Variants in EPHB1 observed in about 807,000 individuals in gnomAD.
EPHB1 encodes the protein EPH receptor B1.
Under a neutral mutation model 94.4 loss-of-function variants are expected in EPHB1, and 30 were observed. That is an observed-to-expected ratio of 0.32 (90% CI 0.24 to 0.43). The LOEUF is 0.43. EPHB1 is among the 20% of genes least tolerant of loss of function. The pLI is 1.00. For synonymous variants in EPHB1, 522 were observed against 489.1 expected (o/e 1.07, Z -0.89); for missense variants, 1,055 against 1,308.3 (o/e 0.81, Z 2.99).
At chr3:135,008,107 A>C (rs1028715613) in intron 3 of EPHB1, among the ~76,000 whole-genome samples, 5 of 152,202 alleles carry the variant, frequency 3.3e-5, no homozygotes, top group Admixed American at 2.0e-4. Flanking sequence ...CTAACTACCA[A>C]GGAAGAACTA....
chr3:134,889,397 A>G (rs548915923), intron 1 of EPHB1, among the ~76,000 whole-genome samples: 1 of 152,216 alleles, frequency 6.6e-6, no homozygotes, highest in Non-Finnish European at 1.5e-5. Context: ...CCAGCCCCCA[A>G]GTCCTGCCAC....
At chr3:134,988,820 C>T (rs1422772461) in intron 3 of EPHB1, among the ~76,000 whole-genome samples, 1 of 152,150 alleles carries the variant, frequency 6.6e-6, no homozygotes, top group Admixed American at 6.5e-5. Context: ...GTTTTTGAGT[C>T]ACTGCTGTTG....
At chr3:135,119,535 C>T (rs1339186892) in intron 4 of EPHB1, among the ~76,000 whole-genome samples, 3 of 152,070 alleles carry the variant, frequency 2.0e-5, no homozygotes, top group East Asian at 3.9e-4. Context: ...TCACTGCAAC[C>T]TCCACCTCCC....
intron 4 of EPHB1, among the ~76,000 whole-genome samples, chr3:135,116,011 T>A (rs537630564): frequency 1.5e-4 from 23 of 152,090 alleles, no homozygotes; most frequent in Middle Eastern, 6.8e-3. Context: ...GTCAAGAGAT[T>A]GAGACCATCC....
intron 1 of EPHB1, among the ~76,000 whole-genome samples, chr3:134,904,935 G>A (rs1396568552): frequency 3.3e-5 from 5 of 152,146 alleles, no homozygotes; most frequent in Non-Finnish European, 5.9e-5. Flanking sequence ...TTAGGGGAGC[G>A]GGCTTTGCAC....
intron 15 of EPHB1, among the ~76,000 whole-genome samples, chr3:135,250,801 T>C (rs1388191611): frequency 6.6e-6 from 1 of 152,128 alleles, no homozygotes; most frequent in African/African-American, 2.4e-5. Context: ...CAGCCTGTAG[T>C]ACACATTTCT....
At chr3:135,064,230 C>T (rs1937552032) in intron 3 of EPHB1, among the ~76,000 whole-genome samples, 2 of 152,020 alleles carry the variant, frequency 1.3e-5, no homozygotes, top group Non-Finnish European at 2.9e-5. Flanking sequence ...GGGAGGGTTC[C>T]ACCTTTTCTA....
intron 5 of EPHB1, among the ~76,000 whole-genome samples, chr3:135,138,382 A>G (rs576052578): frequency 3.7e-4 from 56 of 152,376 alleles, no homozygotes; most frequent in African/African-American, 1.3e-3. Context: ...CTCTGAATAC[A>G]TCACCTAATT....
intron 3 of EPHB1, among the ~76,000 whole-genome samples, chr3:135,039,721 G>A (rs1355578377): frequency 2.0e-5 from 3 of 152,330 alleles, no homozygotes; most frequent in South Asian, 2.1e-4. Flanking sequence ...TGGCTGCTTC[G>A]AGTGCGGGGC....
chr3:135,054,065 ACAC>A (rs1559811671), intron 3 of EPHB1, among the ~76,000 whole-genome samples: 283 of 151,508 alleles, frequency 1.9e-3, no homozygotes, highest in African/African-American at 6.6e-3. Flanking sequence ...ACACACACAC[ACAC>A]ACATAGCATT....
At chr3:135,066,678 C>T (rs1247108324) in intron 3 of EPHB1, among the ~76,000 whole-genome samples, 1 of 152,126 alleles carries the variant, frequency 6.6e-6, no homozygotes, top group Non-Finnish European at 1.5e-5. Flanking sequence ...AATAACTAAC[C>T]TCCTGAATTC....
At chr3:134,853,890 C>A (rs2037048028) in intron 1 of EPHB1, among the ~76,000 whole-genome samples, 1 of 152,196 alleles carries the variant, frequency 6.6e-6, no homozygotes, top group Non-Finnish European at 1.5e-5. Context: ...GCATTGTCCT[C>A]ATCCAGGACA....
chr3:134,923,999 G>T (rs933053382), intron 1 of EPHB1, among the ~76,000 whole-genome samples: 2 of 152,204 alleles, frequency 1.3e-5, no homozygotes, highest in Non-Finnish European at 1.5e-5. Context: ...TCCTGGGAAT[G>T]CAGGGGACTA....
chr3:135,077,128 A>G (rs1269329421), intron 3 of EPHB1, among the ~76,000 whole-genome samples: 2 of 152,190 alleles, frequency 1.3e-5, no homozygotes, highest in African/African-American at 2.4e-5. Flanking sequence ...AAAAAGAAAG[A>G]AAGAGAAGTA....
intron 3 of EPHB1, among the ~76,000 whole-genome samples, chr3:134,986,476 C>T (rs913021944): frequency 6.6e-6 from 1 of 152,136 alleles, no homozygotes; most frequent in African/African-American, 2.4e-5. Context: ...GCGGCTGATT[C>T]CAGATGTTAG....
At chr3:135,029,694 T>C (rs1187652254) in intron 3 of EPHB1, among the ~76,000 whole-genome samples, 1 of 151,076 alleles carries the variant, frequency 6.6e-6, no homozygotes, top group African/African-American at 2.4e-5. Flanking sequence ...ATCTGACACT[T>C]ATGTGTCTTG....
chr3:134,987,396 G>A (rs1390024811), intron 3 of EPHB1, among the ~76,000 whole-genome samples: 2 of 152,068 alleles, frequency 1.3e-5, no homozygotes, highest in South Asian at 2.1e-4. Flanking sequence ...AGATCATAAA[G>A]GTGGGACTTT....
At chr3:135,059,847 A>T (rs940296409) in intron 3 of EPHB1, among the ~76,000 whole-genome samples, 8 of 152,170 alleles carry the variant, frequency 5.3e-5, no homozygotes, top group Non-Finnish European at 1.5e-5. Context: ...GCGTGTCCCC[A>T]TGGCCCGTTT....
At chr3:134,860,591 G>A (rs1352669147) in intron 1 of EPHB1, among the ~76,000 whole-genome samples, 1 of 152,268 alleles carries the variant, frequency 6.6e-6, no homozygotes, top group East Asian at 1.9e-4. Flanking sequence ...GAGACGGGCA[G>A]ATCACGATGT....
Sources: gnomAD v4.1 joint callset for allele counts (sites outside exome capture counted in the v4.1 genomes callset) on GRCh38, gnomAD v4.1.1 for gene constraint, MANE v1.5 for transcripts, NCBI Gene and HGNC (gene_info 2026-07-23, HGNC 2026-07-21) for gene names.